SGF29: variants seen among roughly 807,000 people sequenced by gnomAD.
SGF29 encodes the protein SAGA-associated factor 29.
SGF29 carries 15 observed loss-of-function variants against 38.1 expected under a neutral mutation model. That is an observed-to-expected ratio of 0.39 (90% confidence interval 0.26 to 0.61). The LOEUF is 0.61. Ranked by LOEUF, SGF29 falls within the 20% of genes least tolerant of loss-of-function variation. The pLI is 0.49. For missense variants in SGF29, 184 were observed against 394.6 expected, an observed-to-expected ratio of 0.47 and a Z score of 4.52; for synonymous variants, 151 against 160.8, an observed-to-expected ratio of 0.94 and a Z score of 0.46.
At chr16:28,571,727 A>C (rs1164933281) in intron 1 of SGF29, among the ~76,000 whole-genome samples, 4 of 152,180 alleles carry the variant, frequency 2.6e-5, no homozygotes, top group Non-Finnish European at 5.9e-5. Flanking sequence ...CTTTCAAAAA[A>C]AGTTTGGAAG....
intron 1 of SGF29, among the ~76,000 whole-genome samples, chr16:28,565,689 G>A (rs868324386): frequency 7.9e-5 from 12 of 151,902 alleles, no homozygotes; most frequent in Middle Eastern, 6.8e-3. Context: ...GTAGAGATGG[G>A]GTTTCACTAT....
chr16:28,589,350 G>T (rs1237193235), intron 5 of SGF29, 186 bp downstream of exon 5: 1 of 591,986 alleles, frequency 1.7e-6, no homozygotes, highest in Non-Finnish European at 3.0e-6. Context: ...CAGAGGCAGG[G>T]GTTTCCCAGT....
intron 1 of SGF29, among the ~76,000 whole-genome samples, chr16:28,554,725 C>G (rs1425541652): frequency 2.0e-5 from 3 of 152,154 alleles, no homozygotes; most frequent in African/African-American, 4.8e-5. Flanking sequence ...CTCACTAATG[C>G]CTTTTCTCCT....
chr16:28,585,709 G>A lies in SGF29; in HGVS notation c.213G>A (p.Glu71=), dbSNP rs746488394. ...GLYTTAKADA[E]AECNILRKAL... ...ACACAACCGCCAAGGCCGATGCAGA[G>A]GCTGAGTGCAAGTGAGTACCGTGCA... Residue 71 remains glutamate, a synonymous_variant, in exon 4 of 10, where the codon GAG becomes GAA. Coordinates refer to ENST00000317058, the MANE Select transcript of SGF29 (RefSeq NM_138414.3). The A allele has an allele frequency of 4.3e-6, 7 of 1,614,092 alleles. No individual in the cohort carries two copies. The East Asian group carries it at 1.6e-4, about 36-fold the overall frequency.
chr16:28,574,322 A>C (rs1280604381), intron 1 of SGF29, among the ~76,000 whole-genome samples: 3 of 152,168 alleles, frequency 2.0e-5, no homozygotes, highest in Non-Finnish European at 4.4e-5. Context: ...GCCCGCATGC[A>C]CAGTGTGCTC....
chr16:28,589,438 C>T, intron 5 of SGF29: 1 of 443,722 alleles, frequency 2.3e-6, no homozygotes, highest in Non-Finnish European at 4.2e-6. Context: ...CAGTCGCCCC[C>T]TCCTCTGCCA....
intron 1 of SGF29, among the ~76,000 whole-genome samples, chr16:28,562,059 G>A: frequency 6.6e-6 from 1 of 152,194 alleles, no homozygotes; most frequent in South Asian, 2.1e-4. Flanking sequence ...AAGCTCAAAC[G>A]AGAGCCCTTA....
intron 1 of SGF29, among the ~76,000 whole-genome samples, chr16:28,564,802 C>T (rs1293523229): frequency 7.3e-6 from 1 of 137,734 alleles, no homozygotes; most frequent in Admixed American, 7.8e-5. Flanking sequence ...CACACACACA[C>T]ACACAAACAC....
At chr16:28,587,380 C>A (rs1449657211) in intron 4 of SGF29, among the ~76,000 whole-genome samples, 1 of 152,218 alleles carries the variant, frequency 6.6e-6, no homozygotes, top group Non-Finnish European at 1.5e-5. Flanking sequence ...TCCACACAGG[C>A]CTGGCAACAG....
At chr16:28,583,706 A>C (rs1446054056) in intron 2 of SGF29, among the ~76,000 whole-genome samples, 1 of 152,004 alleles carries the variant, frequency 6.6e-6, no homozygotes, top group Admixed American at 6.6e-5. Flanking sequence ...AATTGATCAT[A>C]CCTGTATGTG....
At chr16:28,573,209 G>A (rs894092310) in intron 1 of SGF29, among the ~76,000 whole-genome samples, 1 of 152,094 alleles carries the variant, frequency 6.6e-6, no homozygotes, top group African/African-American at 2.4e-5. Flanking sequence ...CTGGGAAGTG[G>A]GGGTGAGGAC....
At chr16:28,564,748 T>TACAC (rs1234219135) in intron 1 of SGF29, among the ~76,000 whole-genome samples, 2 of 70,926 alleles carry the variant, frequency 2.8e-5, no homozygotes, top group Admixed American at 2.1e-4. Flanking sequence ...TATATATGTA[T>TACAC]ATATATGTAT....
At chr16:28,566,009 C>T (rs1438286496) in intron 1 of SGF29, among the ~76,000 whole-genome samples, 1 of 151,202 alleles carries the variant, frequency 6.6e-6, no homozygotes, top group Non-Finnish European at 1.5e-5. Flanking sequence ...CACGGTGGCT[C>T]ACGCCTGTAA....
chr16:28,588,351 C>T (rs1198345807), intron 4 of SGF29, among the ~76,000 whole-genome samples: 1 of 152,194 alleles, frequency 6.6e-6, no homozygotes, highest in African/African-American at 2.4e-5. Flanking sequence ...TCCCCAGAGT[C>T]TCCCCTCCTT....
rs367895883 is a variant in SGF29, at chr16:28,589,182, T to A, written c.289+18T>A. On this transcript the variant is annotated intron_variant, in intron 5 of 9. Coordinates refer to ENST00000317058, the MANE Select transcript of SGF29 (RefSeq NM_138414.3). Reference sequence around the variant, plus strand: ...GCGGATTGGTGAGTGGGAGAGAACATGCTGGGAGGTCCTTTGCTAGGACAA... The same window carrying A: ...GCGGATTGGTGAGTGGGAGAGAACAAGCTGGGAGGTCCTTTGCTAGGACAA... The A allele has an allele frequency of 3.1e-6, 5 of 1,613,706 alleles. No homozygotes were observed. The highest frequency in any genetic ancestry group is 1.6e-4 in the Middle Eastern group (1 of 6,062).
rs184524227 is a variant in SGF29 at position 28,566,279 on chromosome 16, A to G, written c.-16+12182A>G. ...ACAGATCAAGACTCTGTCTCAAAAA[A>G]AAAAAGAAAAAGAAAAAGAAAGAGG... On this transcript the variant is annotated intron_variant, in intron 1 of 9. Coordinates refer to ENST00000317058, the MANE Select transcript of SGF29 (RefSeq NM_138414.3). Among the ~76,000 whole-genome samples the G allele has an allele frequency of 4.8e-3, 722 of 151,522 alleles. 12 individuals carry two copies. The highest frequency in any genetic ancestry group is 0.016 in the African/African-American group (678 of 41,294).
chr16:28,579,548 G>A (rs1400243266), intron 1 of SGF29, among the ~76,000 whole-genome samples: 1 of 150,886 alleles, frequency 6.6e-6, no homozygotes, highest in East Asian at 2.0e-4. Flanking sequence ...GAGCCACCAC[G>A]CCCGGCCCTA....
chr16:28,590,238 G>C lies in SGF29; in HGVS notation c.419+13G>C. ...AGCCTGGTGACAAGTGAGGGCAGCAGCTGCGAGGGAGGGGCTGGTGCCCAG... is the reference window on the plus strand; with the variant it reads ...AGCCTGGTGACAAGTGAGGGCAGCACCTGCGAGGGAGGGGCTGGTGCCCAG... On this transcript the variant is annotated intron_variant, in intron 6 of 9. Coordinates refer to ENST00000317058, the MANE Select transcript of SGF29 (RefSeq NM_138414.3). This position sits in a 1 kb window ranked among gnomAD's most constrained non-coding sequence, Gnocchi z 8.2. The C allele has an allele frequency of 9.3e-6, 15 of 1,610,218 alleles. 1 individual carries two copies. The highest frequency in any genetic ancestry group is 1.3e-5 in the Non-Finnish European group (15 of 1,178,514).
rs1199601509 is a variant in SGF29 at position 28,590,839 on chromosome 16, C to T, written c.669C>T (p.Asp223=). The T allele has an allele frequency of 6.2e-6, 10 of 1,613,914 alleles. No individual in the cohort carries two copies. The highest frequency in any genetic ancestry group is 3.3e-4 in the Middle Eastern group (2 of 6,084). ...LPQWKANPET[D]PEALFQKEQL... Reference sequence around the variant, plus strand: ...AGTGGAAGGCCAACCCGGAGACGGACCCTGAGGCCTTGTTCCAGAAGGAGC... The same window carrying T: ...AGTGGAAGGCCAACCCGGAGACGGATCCTGAGGCCTTGTTCCAGAAGGAGC... The change falls in exon 9 of 10, where the codon GAC becomes GAT. Residue 223 remains aspartate, a synonymous_variant. Coordinates refer to ENST00000317058, the MANE Select transcript of SGF29 (RefSeq NM_138414.3). This position sits in a 1 kb window ranked among gnomAD's most constrained non-coding sequence, Gnocchi z 8.2.
Sources: gnomAD v4.1 joint callset for allele counts (sites outside exome capture counted in the v4.1 genomes callset) on GRCh38, gnomAD v4.1.1 for gene constraint, Gnocchi (gnomAD v3.1) non-coding constraint, MANE v1.5 for transcripts, NCBI Gene and HGNC (gene_info 2026-07-23, HGNC 2026-07-21) for gene names.